LRRC8B: variants seen among roughly 807,000 people sequenced by gnomAD.
The protein encoded by LRRC8B is leucine rich repeat containing 8 VRAC subunit B.
In LRRC8B, 23 loss-of-function variants were observed where a neutral mutation model predicts 58.8. The observed-to-expected ratio is 0.39, with a 90% CI of 0.28 to 0.55. The LOEUF (loss-of-function observed/expected upper bound fraction) is 0.55. Ranked by LOEUF, LRRC8B falls within the 20% of genes least tolerant of loss-of-function variation. The pLI, the probability that LRRC8B is intolerant of heterozygous loss-of-function variation, is 0.62. For synonymous variants in LRRC8B, 359 were observed against 374.1 expected, an observed-to-expected ratio of 0.96 and a Z score of 0.47; for missense variants, 694 against 936.0, an observed-to-expected ratio of 0.74 and a Z score of 3.37.
chr1:89,559,394 C>G (rs912687529), intron 1 of LRRC8B, among the ~76,000 whole-genome samples: 2 of 151,886 alleles, frequency 1.3e-5, no homozygotes, highest in Non-Finnish European at 2.9e-5. Context: ...CCTGTAATCC[C>G]AGCACTTTGG....
chr1:89,591,296 T>G (rs1367217261), intron 5 of LRRC8B, among the ~76,000 whole-genome samples: 1 of 152,216 alleles, frequency 6.6e-6, no homozygotes, highest in Non-Finnish European at 1.5e-5. Context: ...TTCCTTCACT[T>G]GGACATCACT....
At position 89,584,089 on chromosome 1, in the gene LRRC8B, C is replaced by G. The variant is rs1654448145; in HGVS notation, c.1439C>G (p.Pro480Arg). The part of the protein sequence containing the change: ...VYHSSLVVDH[P>R]ALAFLEENLK... ...CATTCATCTCTGGTCGTAGACCATC[C>G]TGCACTGGCCTTTCTAGAGGAGAAT... is the stretch of plus-strand genomic sequence containing the variant. The change falls in exon 5 of 6, where the codon CCT becomes CGT. Residue 480 changes from proline (P) to arginine (R), a missense_variant. Pro to Arg is a moderately radical substitution (Grantham distance 103, BLOSUM62 -2). This residue lies in a region of LRRC8B where 162 missense variants were observed against 198.5 expected (regional missense o/e 0.82). Transcript: ENST00000330947. The G allele has an allele frequency of 6.2e-7, 1 of 1,614,060 alleles. No homozygotes were observed. The highest frequency in any genetic ancestry group is 2.2e-5 in the East Asian group (1 of 44,876).
intron 1 of LRRC8B, among the ~76,000 whole-genome samples, chr1:89,538,584 C>T (rs534174575): frequency 1.1e-4 from 16 of 152,174 alleles, no homozygotes; most frequent in Admixed American, 7.9e-4. Flanking sequence ...ACTTCCTTAA[C>T]GGATGTGTCA....
At chr1:89,554,192 T>G (rs1652014996) in intron 1 of LRRC8B, among the ~76,000 whole-genome samples, 1 of 152,174 alleles carries the variant, frequency 6.6e-6, no homozygotes, top group Non-Finnish European at 1.5e-5. Context: ...ACTCCATCTA[T>G]GCATCTGCTC....
intron 1 of LRRC8B, among the ~76,000 whole-genome samples, chr1:89,553,747 A>G (rs574876852): frequency 4.6e-5 from 7 of 152,334 alleles, no homozygotes; most frequent in Admixed American, 6.5e-5. Flanking sequence ...TTTTCTACTC[A>G]GAATTTTAAT....
chr1:89,532,314 A>G (rs1650201231), intron 1 of LRRC8B, among the ~76,000 whole-genome samples: 1 of 152,086 alleles, frequency 6.6e-6, no homozygotes, highest in Admixed American at 6.5e-5. Flanking sequence ...CCCTTGTTTA[A>G]CTGCTCTTAA....
chr1:89,552,274 A>G (rs916243368), intron 1 of LRRC8B, among the ~76,000 whole-genome samples: 22 of 152,212 alleles, frequency 1.4e-4, no homozygotes, highest in African/African-American at 5.1e-4. Flanking sequence ...GTAAATGAGA[A>G]TATATTCTGT....
At chr1:89,530,998 T>C (rs979389133) in intron 1 of LRRC8B, among the ~76,000 whole-genome samples, 7 of 152,170 alleles carry the variant, frequency 4.6e-5, no homozygotes, top group Non-Finnish European at 8.8e-5. Context: ...GTATTTTCCA[T>C]GTATTGTGGT....
chr1:89,555,990 G>A (rs1462809134), intron 1 of LRRC8B, among the ~76,000 whole-genome samples: 2 of 152,126 alleles, frequency 1.3e-5, no homozygotes, highest in African/African-American at 4.8e-5. Flanking sequence ...TTCTAATGTG[G>A]TAACTCACTG....
At chr1:89,574,887 T>A (rs1430779717) in intron 3 of LRRC8B, among the ~76,000 whole-genome samples, 1 of 152,192 alleles carries the variant, frequency 6.6e-6, no homozygotes, top group African/African-American at 2.4e-5. Context: ...AGCAAAGGCA[T>A]AGCTGTAAGA....
chr1:89,578,718 A>G (rs1179354023), intron 3 of LRRC8B, among the ~76,000 whole-genome samples: 1 of 147,104 alleles, frequency 6.8e-6, no homozygotes, highest in Admixed American at 6.9e-5. Context: ...AAAGGATTGT[A>G]TAATACAAAA....
intron 1 of LRRC8B, among the ~76,000 whole-genome samples, chr1:89,549,014 A>G (rs1651614992): frequency 6.6e-6 from 1 of 152,190 alleles, no homozygotes; most frequent in South Asian, 2.1e-4. Context: ...ATAATCACAG[A>G]CTTGTGATTA....
In LRRC8B at chr1:89,524,979, G is replaced by T. The variant is rs1451635294; in HGVS notation, c.-284G>T. 1 of 152,142 alleles carries T rather than the reference G, an allele frequency of 6.6e-6. No individual in the cohort carries two copies. Among genetic ancestry groups the T allele is most frequent in the African/African-American group, 2.4e-5 (1 of 41,442 alleles). The allele number at this position is 152,142 out of a possible 1,614,324, so 9.4% of individuals were successfully genotyped here. A position where few individuals can be genotyped will look rare whatever the true frequency, so the allele number is the denominator to read the frequency against. On this transcript the variant is annotated 5_prime_UTR_variant, in exon 1 of 6. Transcript: ENST00000330947. ...CCTGCCCGCCCGGAGCGGCCCAGGAGCACGCCGCGGGGAGCGCGGGCGTCC... is the reference window on the plus strand; with the variant it reads ...CCTGCCCGCCCGGAGCGGCCCAGGATCACGCCGCGGGGAGCGCGGGCGTCC...
intron 1 of LRRC8B, among the ~76,000 whole-genome samples, chr1:89,543,017 C>T (rs1651133150): frequency 2.0e-5 from 3 of 152,258 alleles, no homozygotes; most frequent in South Asian, 4.1e-4. Context: ...GGTCAAATTA[C>T]TTAATGATGA....
At chr1:89,540,551 A>G (rs1650884785) in intron 1 of LRRC8B, among the ~76,000 whole-genome samples, 1 of 152,224 alleles carries the variant, frequency 6.6e-6, no homozygotes, top group Non-Finnish European at 1.5e-5. Flanking sequence ...CGAATGAAAG[A>G]ACAAGAGCAT....
At chr1:89,550,892 T>C (rs1480485973) in intron 1 of LRRC8B, among the ~76,000 whole-genome samples, 1 of 152,186 alleles carries the variant, frequency 6.6e-6, no homozygotes, top group East Asian at 1.9e-4. Flanking sequence ...TCCTGCCCCA[T>C]TGTATCTCTC....
At chr1:89,563,861 C>T (rs1247436290) in intron 1 of LRRC8B, among the ~76,000 whole-genome samples, 1 of 152,116 alleles carries the variant, frequency 6.6e-6, no homozygotes, top group Non-Finnish European at 1.5e-5. Flanking sequence ...TAAGATCAAG[C>T]AGATGGTAAA....
At chr1:89,535,792 G>GA (rs1019159325) in intron 1 of LRRC8B, among the ~76,000 whole-genome samples, 16 of 150,024 alleles carry the variant, frequency 1.1e-4, no homozygotes, top group African/African-American at 3.7e-4. Flanking sequence ...AATCCCACTG[G>GA]AAAAAAAAAT....
rs1464528795 is a variant in LRRC8B, at chr1:89,584,033, G to T, written c.1383G>T (p.Gln461His). 1 of 1,614,080 alleles carries T rather than the reference G, an allele frequency of 6.2e-7. No homozygotes were observed. The highest frequency in any genetic ancestry group is 8.5e-7 in the Non-Finnish European group (1 of 1,180,040). Residue 461 changes from glutamine to histidine, a missense_variant, in exon 5 of 6, where the codon CAG becomes CAT. Physicochemically the swap from Gln to His is conservative, Grantham distance 24. Coordinates refer to ENST00000330947, the MANE Select transcript of LRRC8B (RefSeq NM_001369817.2). ...TGAAGCTGCCCTCTGCAGTCTCACA[G>T]CTGGTCAACCTCAAGGAGCTTCGTG... ...PEVKLPSAVSQLVNLKELRVY... is the reference protein window; with the variant it reads ...PEVKLPSAVSHLVNLKELRVY...
Sources: gnomAD v4.1 joint callset for allele counts (sites outside exome capture counted in the v4.1 genomes callset) on GRCh38, gnomAD v4.1.1 for gene constraint, gnomAD v4.1.1 regional missense constraint, MANE v1.5 for transcripts, NCBI Gene and HGNC (gene_info 2026-07-23, HGNC 2026-07-21) for gene names.